Variants in SLC25A23 observed in about 807,000 individuals in gnomAD.
The protein encoded by SLC25A23 is mitochondrial adenyl nucleotide antiporter SLC25A23.
Under a neutral mutation model 53.9 loss-of-function variants are expected in SLC25A23, and 32 were observed. The observed-to-expected ratio is 0.59, with a 90% CI of 0.45 to 0.80. SLC25A23 has a LOEUF of 0.80. Ranked by LOEUF, SLC25A23 falls within the 30% of genes least tolerant of loss-of-function variation. The pLI, the probability that SLC25A23 is intolerant of heterozygous loss-of-function variation, is 0.00. For missense variants in SLC25A23, 575 were observed against 651.4 expected (o/e 0.88, Z 1.28); for synonymous variants, 275 against 264.5 (o/e 1.04, Z -0.38).
At chr19:6,451,831 T>C (rs1318492237) in intron 8 of SLC25A23, among the ~76,000 whole-genome samples, 3 of 101,450 alleles carry the variant, frequency 3.0e-5, no homozygotes, top group African/African-American at 2.1e-4. Context: ...TTTGCCTGCC[T>C]TTTTTTTTTT....
Position 6,444,318 on chromosome 19 carries a change from A to G in SLC25A23, c.1072-17T>C, listed in dbSNP as rs2092471975. 1.5e-6 allele frequency: 1 copy of G among 653,080 alleles called. No individual in the cohort carries two copies. Among genetic ancestry groups the G allele is most frequent in the African/African-American group, 1.9e-5 (1 of 53,698 alleles). The allele number at this position is 653,080 out of a possible 1,614,324, so 40.5% of individuals were successfully genotyped here. A position where few individuals can be genotyped will look rare whatever the true frequency, so the allele number is the denominator to read the frequency against. ...CTTCAGAGTCTGGAGTGGAGAAGGGAGTAGGGAGGGTTGGGGTGGGTGACC... is the reference window on the plus strand; with the variant it reads ...CTTCAGAGTCTGGAGTGGAGAAGGGGGTAGGGAGGGTTGGGGTGGGTGACC... On this transcript the variant is annotated splice_polypyrimidine_tract_variant and intron_variant, in intron 8 of 9. Coordinates refer to ENST00000301454, the MANE Select transcript of SLC25A23 (RefSeq NM_024103.3).
At chr19:6,455,718 T>TTTG (rs2092670920) in intron 4 of SLC25A23, among the ~76,000 whole-genome samples, 1 of 36,674 alleles carries the variant, frequency 2.7e-5, no homozygotes, top group African/African-American at 1.4e-4. Context: ...TTTTTTTTTT[T>TTTG]TTTTTTTTTT....
rs760677113 is a variant in SLC25A23 at position 6,454,671 on chromosome 19, T to C, written c.530A>G (p.Lys177Arg). Residue 177 changes from lysine to arginine, a missense_variant, in exon 5 of 10, where the codon AAG becomes AGG. By Grantham distance (26) the Lys-to-Arg change is conservative. Transcript: ENST00000301454. The surrounding 1 kb of genome is among the most constrained non-coding windows in gnomAD (Gnocchi z 4.3). Reference sequence around the variant, plus strand: ...CCACATGCCCGTCAGCTTCTCTTGCTTTGAGAACTCGTCCGGCACTGTCAG... The same window carrying C: ...CCACATGCCCGTCAGCTTCTCTTGCCTTGAGAACTCGTCCGGCACTGTCAG... ...ECLTVPDEFS[K>R]QEKLTGMWWK... 6.2e-7 allele frequency: 1 copy of C among 1,614,106 alleles called. No homozygotes were observed. The highest frequency in any genetic ancestry group is 1.1e-5 in the South Asian group (1 of 91,092).
In SLC25A23 at chr19:6,457,508, C is replaced by T. The variant is rs1271240054; in HGVS notation, c.366G>A (p.Leu122=). 6.2e-7 allele frequency: 1 copy of T among 1,613,854 alleles called. No individual in the cohort carries two copies. The highest frequency in any genetic ancestry group is 1.3e-5 in the African/African-American group (1 of 74,886). ...SISLEQAEKI[L]HSMDRDGTMT... is the part of the protein sequence containing the mutation. ...CCAGACCCCCAGCGACTCACCTGTGCAAAATTTTCTCAGCCTGCTCCAGCG... is the reference window on the plus strand; with the variant it reads ...CCAGACCCCCAGCGACTCACCTGTGTAAAATTTTCTCAGCCTGCTCCAGCG... The change falls in exon 3 of 10, where the codon TTG becomes TTA. Residue 122 remains leucine (L), a synonymous_variant. Coordinates refer to ENST00000301454, the MANE Select transcript of SLC25A23 (RefSeq NM_024103.3).
intron 8 of SLC25A23, among the ~76,000 whole-genome samples, chr19:6,446,521 G>A (rs959198405): frequency 2.6e-5 from 4 of 152,142 alleles, no homozygotes; most frequent in African/African-American, 4.8e-5. Context: ...TTCTCTGAAC[G>A]CAGGCCAGCC....
At chr19:6,447,956 C>A (rs1159874232) in intron 8 of SLC25A23, among the ~76,000 whole-genome samples, 1 of 152,136 alleles carries the variant, frequency 6.6e-6, no homozygotes, top group Non-Finnish European at 1.5e-5. Context: ...CAGGAGTGAG[C>A]CACCATGCCC....
At position 6,459,762 on chromosome 19, in the gene SLC25A23, C is replaced by G; in HGVS notation, c.-134G>C. On this transcript the variant is annotated 5_prime_UTR_variant, in exon 1 of 10. Coordinates refer to ENST00000301454, the MANE Select transcript of SLC25A23 (RefSeq NM_024103.3). The surrounding 1 kb of genome is among the most constrained non-coding windows in gnomAD (Gnocchi z 4.6). ...GGCTCCGCAGCCTCCGCGCAGTCCG[C>G]TCGGCTCTGGCACTTGCGGGAGGTG... is the stretch of plus-strand genomic sequence containing the variant. 2 of 731,088 alleles carry G rather than the reference C, an allele frequency of 2.7e-6. No individual in the cohort carries two copies. Among genetic ancestry groups the G allele is most frequent in the South Asian group, 1.3e-4 (2 of 15,378 alleles). 45.3% of individuals were successfully genotyped at this position (731,088 alleles called of 1,614,324 possible).
chr19:6,441,979 C>T lies in SLC25A23; in HGVS notation c.1403G>A (p.Arg468Lys), dbSNP rs760369536. The change falls in exon 10 of 10, where the codon AGG becomes AAG. Residue 468 changes from arginine to lysine, a missense_variant. Coordinates refer to ENST00000301454, the MANE Select transcript of SLC25A23 (RefSeq NM_024103.3). ...NMKQALGVTSR is the reference protein window; with the variant it reads ...NMKQALGVTSK Reference sequence around the variant, plus strand: ...GGGGGACGGGCTCCGGGTCCCTCACCTGGACGTGACCCCCAAGGCCTGCTT... The same window carrying T: ...GGGGGACGGGCTCCGGGTCCCTCACTTGGACGTGACCCCCAAGGCCTGCTT... The T allele has an allele frequency of 1.9e-6, 3 of 1,613,486 alleles. No individual in the cohort carries two copies. Among genetic ancestry groups the T allele is most frequent in the East Asian group, 2.2e-5 (1 of 44,886 alleles).
At chr19:6,449,030 A>G (rs1306446946) in intron 8 of SLC25A23, among the ~76,000 whole-genome samples, 1 of 151,824 alleles carries the variant, frequency 6.6e-6, no homozygotes, top group Non-Finnish European at 1.5e-5. Flanking sequence ...TCTCAAAAAA[A>G]AAGAAAAAAA....
chr19:6,451,376 C>T (rs1040030067), intron 8 of SLC25A23, among the ~76,000 whole-genome samples: 1 of 151,946 alleles, frequency 6.6e-6, no homozygotes, highest in Non-Finnish European at 1.5e-5. Flanking sequence ...GCGACAAGAG[C>T]GAGACTCCGT....
chr19:6,442,634 C>T (rs1382239587), intron 9 of SLC25A23, among the ~76,000 whole-genome samples: 3 of 151,646 alleles, frequency 2.0e-5, no homozygotes, highest in African/African-American at 7.3e-5. Context: ...CTGCAACCTC[C>T]GCCTCCCGGG....
chr19:6,445,717 G>C (rs1266695566), intron 8 of SLC25A23, among the ~76,000 whole-genome samples: 1 of 152,082 alleles, frequency 6.6e-6, no homozygotes. Flanking sequence ...TTTATAACTT[G>C]TTTGCTTGCA....
At chr19:6,457,715 G>A in intron 2 of SLC25A23, 125 bp from the exon 3 acceptor site, 1 of 785,640 alleles carries the variant, frequency 1.3e-6, no homozygotes, top group Non-Finnish European at 2.1e-6. Flanking sequence ...CAGAAACCTA[G>A]GAGGAGGTTT....
In SLC25A23 at chr19:6,454,194, T is replaced by C. The variant is rs368472887; in HGVS notation, c.796-106A>G. On this transcript the variant is annotated intron_variant, in intron 6 of 9. Transcript: ENST00000301454. This position sits in a 1 kb window ranked among gnomAD's most constrained non-coding sequence, Gnocchi z 4.3. Reference sequence around the variant, plus strand: ...AGAACTGGCTTGCTGCAGGCATTCATGCAGAGGAGCAGATGCCTGATCCTG... The same window carrying C: ...AGAACTGGCTTGCTGCAGGCATTCACGCAGAGGAGCAGATGCCTGATCCTG... 3.3e-6 allele frequency: 5 copies of C among 1,510,562 alleles called. No homozygotes were observed. The highest frequency in any genetic ancestry group is 1.9e-5 in the Admixed American group (1 of 52,960). 93.6% of individuals were successfully genotyped at this position (1,510,562 alleles called of 1,614,324 possible). A position where few individuals can be genotyped will look rare whatever the true frequency, so the allele number is the denominator to read the frequency against.
At chr19:6,444,831 C>A (rs1158616422) in intron 8 of SLC25A23, among the ~76,000 whole-genome samples, 6 of 151,486 alleles carry the variant, frequency 4.0e-5, no homozygotes, top group Admixed American at 3.9e-4. Flanking sequence ...CCACACCTGG[C>A]TAATTTTTTG....
rs1204572281 is a variant in SLC25A23, at chr19:6,456,550, G to A, written c.372-19C>T. On this transcript the variant is annotated intron_variant, in intron 3 of 9. Transcript: ENST00000301454. ...GTCCATGCTGGGGGGAAGAAAGGGG[G>A]TGGAGGAGGACAGGTTCAGTGCCTG... 4.4e-6 allele frequency: 7 copies of A among 1,602,884 alleles called. No homozygotes were observed. The highest frequency in any genetic ancestry group is 1.3e-5 in the African/African-American group (1 of 74,630).
chr19:6,458,043 G>C (rs892129987), intron 2 of SLC25A23, among the ~76,000 whole-genome samples, 155 bp downstream of exon 2: 11 of 152,050 alleles, frequency 7.2e-5, no homozygotes, highest in African/African-American at 2.4e-4. Flanking sequence ...ACCTAGCTAG[G>C]GGGTGAGGAG....
chr19:6,442,858 T>C (rs932243891), intron 9 of SLC25A23, among the ~76,000 whole-genome samples: 1 of 150,440 alleles, frequency 6.6e-6, no homozygotes, highest in Non-Finnish European at 1.5e-5. Context: ...GCCCTTGAAC[T>C]CTTAACCTCA....
Position 6,441,816 on chromosome 19 carries a change from G to C in SLC25A23, c.*159C>G. The C allele has an allele frequency of 1.6e-6, 1 of 626,586 alleles. No individual in the cohort carries two copies. The highest frequency in any genetic ancestry group is 2.7e-6 in the Non-Finnish European group (1 of 373,646). The allele number at this position is 626,586 out of a possible 1,614,324, so 38.8% of individuals were successfully genotyped here. ...TCTAGGATCCAGGATCTGGATGCTG[G>C]GATCCCATGACCCAATGGTTGGGGC... On this transcript the variant is annotated 3_prime_UTR_variant, in exon 10 of 10. Transcript: ENST00000301454.
Sources: gnomAD v4.1 joint callset for allele counts (sites outside exome capture counted in the v4.1 genomes callset) on GRCh38, gnomAD v4.1.1 for gene constraint, Gnocchi (gnomAD v3.1) non-coding constraint, MANE v1.5 for transcripts, NCBI Gene and HGNC (gene_info 2026-07-23, HGNC 2026-07-21) for gene names.